AFG2A: variants seen among roughly 807,000 people sequenced by gnomAD.
AFG2A encodes the protein ATPase family gene 2 protein homolog A.
the AFG2A span, among the ~76,000 whole-genome samples, chr4:122,972,549 T>C: frequency 6.6e-6 from 1 of 151,846 alleles, no homozygotes; most frequent in Admixed American, 6.6e-5. Flanking sequence ...TCTTTTTTTT[T>C]TTTTATCTAC....
At chr4:122,926,087 G>A in the AFG2A span, among the ~76,000 whole-genome samples, 3 of 152,228 alleles carry the variant, frequency 2.0e-5, no homozygotes, top group Non-Finnish European at 4.4e-5. Flanking sequence ...AGTGTAAGCA[G>A]AGAACACGTT....
chr4:123,040,368 T>A, the AFG2A span, among the ~76,000 whole-genome samples: 1 of 152,198 alleles, frequency 6.6e-6, no homozygotes, highest in African/African-American at 2.4e-5. Context: ...GAGGTCATAG[T>A]CTTTAGACAT....
At chr4:123,130,203 T>G in the AFG2A span, among the ~76,000 whole-genome samples, 1 of 151,948 alleles carries the variant, frequency 6.6e-6, no homozygotes, top group Non-Finnish European at 1.5e-5. Flanking sequence ...TTTATGTAGA[T>G]ATGAGGTCTC....
the AFG2A span, chr4:122,935,610 C>T: frequency 2.3e-5 from 31 of 1,336,166 alleles, no homozygotes; most frequent in South Asian, 1.2e-4. Context: ...CTTTTTGTGA[C>T]GCAAGGTAAA....
the AFG2A span, chr4:122,927,516 G>A: frequency 1.0e-6 from 1 of 983,942 alleles, no homozygotes; most frequent in Non-Finnish European, 1.4e-6. Flanking sequence ...TTTCTCCAGG[G>A]TATGGTAAGT....
the AFG2A span, among the ~76,000 whole-genome samples, chr4:123,205,096 AAT>A: frequency 6.6e-6 from 1 of 152,194 alleles, no homozygotes; most frequent in Non-Finnish European, 1.5e-5. Flanking sequence ...ATCATAAATA[AAT>A]ATGTCAGGGT....
chr4:122,963,814 T>C, the AFG2A span, among the ~76,000 whole-genome samples: 15 of 152,174 alleles, frequency 9.9e-5, no homozygotes, highest in East Asian at 7.7e-4. Context: ...TGTTGATGTA[T>C]TATTATTAAT....
chr4:122,965,837 G>T, the AFG2A span, among the ~76,000 whole-genome samples: 1 of 152,138 alleles, frequency 6.6e-6, no homozygotes, highest in African/African-American at 2.4e-5. Context: ...ATGGGTTCCA[G>T]TATGGCCTTA....
chr4:123,173,047 G>T, the AFG2A span, among the ~76,000 whole-genome samples: 1 of 152,224 alleles, frequency 6.6e-6, no homozygotes, highest in South Asian at 2.1e-4. Context: ...TATTGAAATG[G>T]TAGTCAAAGC....
the AFG2A span, among the ~76,000 whole-genome samples, chr4:122,939,107 C>T: frequency 2.3e-5 from 2 of 87,416 alleles, no homozygotes; most frequent in Admixed American, 1.9e-4. Flanking sequence ...TTTTTGGAGA[C>T]AGAGTTTCGC....
the AFG2A span, among the ~76,000 whole-genome samples, chr4:123,253,583 G>T: frequency 2.0e-5 from 3 of 152,082 alleles, no homozygotes; most frequent in Non-Finnish European, 4.4e-5. Context: ...GCAGGAGGTG[G>T]AGATTGCAGT....
At chr4:123,030,478 C>G in the AFG2A span, among the ~76,000 whole-genome samples, 3 of 152,108 alleles carry the variant, frequency 2.0e-5, no homozygotes, top group Non-Finnish European at 4.4e-5. Context: ...AATAACCAGG[C>G]ACACATTCAT....
chr4:123,183,058 T>C, the AFG2A span, among the ~76,000 whole-genome samples: 2 of 152,202 alleles, frequency 1.3e-5, no homozygotes, highest in African/African-American at 2.4e-5. Flanking sequence ...ACCAGACTTA[T>C]TAAATCAGAA....
At chr4:122,993,054 C>G in the AFG2A span, among the ~76,000 whole-genome samples, 1 of 151,798 alleles carries the variant, frequency 6.6e-6, no homozygotes, top group Non-Finnish European at 1.5e-5. Context: ...AGCACGATCT[C>G]AGCTTACTGC....
At chr4:122,933,494 C>G in the AFG2A span, 1 of 1,609,324 alleles carries the variant, frequency 6.2e-7, no homozygotes, top group Admixed American at 1.7e-5. Flanking sequence ...CCTGAGAAAA[C>G]TAGGTGAGAC....
the AFG2A span, among the ~76,000 whole-genome samples, chr4:123,194,738 G>T: frequency 2.0e-5 from 3 of 152,122 alleles, no homozygotes; most frequent in Admixed American, 2.0e-4. Flanking sequence ...CAGAATTGAT[G>T]ATCTGCCCAT....
At chr4:123,302,865 T>C in the AFG2A span, among the ~76,000 whole-genome samples, 1 of 152,230 alleles carries the variant, frequency 6.6e-6, no homozygotes, top group Non-Finnish European at 1.5e-5. Context: ...ACATTTGCAC[T>C]GAACCTTGAA....
the AFG2A span, among the ~76,000 whole-genome samples, chr4:123,073,463 A>T: frequency 6.6e-6 from 1 of 152,142 alleles, no homozygotes; most frequent in Non-Finnish European, 1.5e-5. Context: ...AATATCAAGG[A>T]ACTAGAATAA....
the AFG2A span, among the ~76,000 whole-genome samples, chr4:122,970,048 G>A: frequency 6.6e-6 from 1 of 152,022 alleles, no homozygotes; most frequent in Non-Finnish European, 1.5e-5. Flanking sequence ...TTTAAATTTG[G>A]TGTAGCCTAA....
Sources: gnomAD v4.1 joint callset for allele counts (sites outside exome capture counted in the v4.1 genomes callset) on GRCh38, gnomAD v4.1.1 for gene constraint, MANE v1.5 for transcripts, NCBI Gene and HGNC (gene_info 2026-07-23, HGNC 2026-07-21) for gene names.